PCNX4: variants seen among roughly 807,000 people sequenced by gnomAD.
The protein encoded by PCNX4 is pecanex 4.
PCNX4 carries 103 observed loss-of-function variants against 107.2 expected under a neutral mutation model. That is an observed-to-expected ratio of 0.96 (90% CI 0.82 to 1.13). PCNX4 has a LOEUF of 1.13. Among genes scored for constraint, PCNX4 ranks in the 50% most tolerant of loss-of-function variants. The pLI is 0.00. For synonymous variants in PCNX4, 541 were observed against 481.7 expected (o/e 1.12, Z -1.61); for missense variants, 1,528 against 1,379.4 (o/e 1.11, Z -1.71).
chr14:60,114,798 C>T lies in PCNX4; in HGVS notation c.788C>T (p.Pro263Leu), dbSNP rs911388523. ...PFLWALGTLP[P>L]PDALLLWAME... is the part of the protein sequence containing the mutation. ...CTGTGGGCACTTGGGACTCTGCCCC[C>T]ACCCGATGCACTTCTCTTATGGGCA... The change falls in exon 3 of 11, where the codon CCA (proline) becomes CTA (leucine). Residue 263 changes from proline (P) to leucine (L), a missense_variant. Pro to Leu is a moderately conservative substitution (Grantham distance 98). Coordinates refer to ENST00000406854, the MANE Select transcript of PCNX4 (RefSeq NM_001330177.2). 1 of 1,613,870 alleles carries T rather than the reference C, an allele frequency of 6.2e-7. No individual in the cohort carries two copies. The highest frequency in any genetic ancestry group is 1.3e-5 in the African/African-American group (1 of 75,008).
At chr14:60,123,688 A>G (rs542311709) in intron 8 of PCNX4, among the ~76,000 whole-genome samples, 24 of 152,262 alleles carry the variant, frequency 1.6e-4, no homozygotes, top group African/African-American at 5.8e-4. Flanking sequence ...TTTAGGCACT[A>G]CTGACATAGC....
At chr14:60,126,567 A>T (rs939403762) in intron 10 of PCNX4, among the ~76,000 whole-genome samples, 1 of 152,186 alleles carries the variant, frequency 6.6e-6, no homozygotes, top group Non-Finnish European at 1.5e-5. Flanking sequence ...TTGAACCAAG[A>T]CCTACCCTAC....
chr14:60,126,491 A>G (rs941351401), intron 10 of PCNX4, among the ~76,000 whole-genome samples: 1 of 152,194 alleles, frequency 6.6e-6, no homozygotes, highest in Admixed American at 6.5e-5. Flanking sequence ...GCATACAGCA[A>G]ATGAACACAC....
intron 10 of PCNX4, among the ~76,000 whole-genome samples, chr14:60,129,953 T>C (rs943715788): frequency 4.6e-5 from 7 of 151,942 alleles, no homozygotes; most frequent in South Asian, 2.1e-4. Context: ...AAAAAAGATA[T>C]GAGACAAAGA....
chr14:60,133,822 A>G (rs1422889492), intron 10 of PCNX4, 148 bp from the exon 11 acceptor site: 2 of 766,654 alleles, frequency 2.6e-6, no homozygotes, highest in Non-Finnish European at 4.1e-6. Context: ...ACTTGTGTAC[A>G]TTTTTAAACA....
chr14:60,129,381 C>G (rs1896114173), intron 10 of PCNX4, among the ~76,000 whole-genome samples: 7 of 151,966 alleles, frequency 4.6e-5, no homozygotes, highest in Admixed American at 4.6e-4. Flanking sequence ...TAGCAAGAGC[C>G]CATCTCTACA....
rs111421080 is a variant in PCNX4 at position 60,097,716 on chromosome 14, A to G, written c.-54+5297A>G. On this transcript the variant is annotated intron_variant, in intron 1 of 10. Coordinates refer to ENST00000406854, the MANE Select transcript of PCNX4 (RefSeq NM_001330177.2). ...ATTCTTGGTTTGGGAGCAGAATCAT[A>G]GCATGGGTCACCCCATTCCTGGGCC... Among the ~76,000 whole-genome samples the G allele has an allele frequency of 5.4e-3, 818 of 152,364 alleles. 2 individuals carry two copies. The highest frequency in any genetic ancestry group is 8.1e-3 in the Non-Finnish European group (550 of 68,034).
At position 60,143,027 on chromosome 14, in the gene PCNX4, A is replaced by G. The variant is rs1896325411; in HGVS notation, c.*8806A>G. On this transcript the variant is annotated 3_prime_UTR_variant, in exon 11 of 11. Transcript: ENST00000406854. The stretch of plus-strand genomic sequence containing the variant: ...GATGAATCTTTAAAGATTTTAATTT[A>G]TATATACCTCTTCTACCATTCATTG... 6.6e-6 allele frequency: 1 copy of G among 152,238 alleles called. No individual in the cohort carries two copies. Among genetic ancestry groups the G allele is most frequent in the Non-Finnish European group, 1.5e-5 (1 of 68,058 alleles). The allele number at this position is 152,238 out of a possible 1,614,324, so 9.4% of individuals were successfully genotyped here.
rs138224200 is a variant in PCNX4, at chr14:60,103,925, G to A, written c.-53-3661G>A. 4.5e-3 allele frequency among the ~76,000 whole-genome samples: 680 copies of A among 152,238 alleles called. 6 individuals carry two copies. Among genetic ancestry groups the A allele is most frequent in the African/African-American group, 0.015 (639 of 41,534 alleles). On this transcript the variant is annotated intron_variant, in intron 1 of 10. Coordinates refer to ENST00000406854, the MANE Select transcript of PCNX4 (RefSeq NM_001330177.2). Reference sequence around the variant, plus strand: ...TACTATGAATAGATAGCATTATTCCGTAAAAAATAAGTATAGATACTTTCC... The same window carrying A: ...TACTATGAATAGATAGCATTATTCCATAAAAAATAAGTATAGATACTTTCC...
At chr14:60,104,407 A>T (rs1895593226) in intron 1 of PCNX4, among the ~76,000 whole-genome samples, 1 of 151,950 alleles carries the variant, frequency 6.6e-6, no homozygotes, top group African/African-American at 2.4e-5. Flanking sequence ...CATATTTTCC[A>T]ATTTTAATTG....
chr14:60,102,624 A>G (rs1399507658), intron 1 of PCNX4, among the ~76,000 whole-genome samples: 2 of 152,314 alleles, frequency 1.3e-5, no homozygotes, highest in East Asian at 1.9e-4. Flanking sequence ...AAGAAAGCCT[A>G]TGGCTTAAAT....
At chr14:60,111,891 CCA>C (rs1270561944) in intron 2 of PCNX4, among the ~76,000 whole-genome samples, 1 of 152,140 alleles carries the variant, frequency 6.6e-6, no homozygotes, top group East Asian at 1.9e-4. Flanking sequence ...AAAATCACCT[CCA>C]GTTTCACTTT....
rs142480517 is a variant in PCNX4 at position 60,138,078 on chromosome 14, G to A, written c.*3857G>A. The A allele has an allele frequency of 0.021, 3,126 of 149,104 alleles. 55 individuals carry two copies. The highest frequency in any genetic ancestry group is 0.048 in the South Asian group (226 of 4,722). The allele number at this position is 149,104 out of a possible 1,614,324, so 9.2% of individuals were successfully genotyped here. A position where few individuals can be genotyped will look rare whatever the true frequency, so the allele number is the denominator to read the frequency against. Reference sequence around the variant, plus strand: ...TGCACTCCAGCCTGGGCGACAGAGCGAGACTCCATCTCAAAAAGAAAAAAA... The same window carrying A: ...TGCACTCCAGCCTGGGCGACAGAGCAAGACTCCATCTCAAAAAGAAAAAAA... On this transcript the variant is annotated 3_prime_UTR_variant, in exon 11 of 11. Coordinates refer to ENST00000406854, the MANE Select transcript of PCNX4 (RefSeq NM_001330177.2).
At chr14:60,127,928 T>G (rs1896085056) in intron 10 of PCNX4, among the ~76,000 whole-genome samples, 1 of 151,958 alleles carries the variant, frequency 6.6e-6, no homozygotes, top group African/African-American at 2.4e-5. Context: ...TATGTAGAGA[T>G]AGAAATTATA....
chr14:60,139,725 G>A lies in PCNX4; in HGVS notation c.*5504G>A, dbSNP rs949431417. On this transcript the variant is annotated 3_prime_UTR_variant, in exon 11 of 11. Coordinates refer to ENST00000406854, the MANE Select transcript of PCNX4 (RefSeq NM_001330177.2). ...GTCATAGGAATGGAATATATTCTTTGGCCATGTATCATTCACTTAGAAATC... is the reference window on the plus strand; with the variant it reads ...GTCATAGGAATGGAATATATTCTTTAGCCATGTATCATTCACTTAGAAATC... 5 of 151,890 alleles carry A rather than the reference G, an allele frequency of 3.3e-5. No individual in the cohort carries two copies. The highest frequency in any genetic ancestry group is 1.2e-4 in the African/African-American group (5 of 41,368). 9.4% of individuals were successfully genotyped at this position (151,890 alleles called of 1,614,324 possible).
At chr14:60,096,905 T>G (rs1895436168) in intron 1 of PCNX4, among the ~76,000 whole-genome samples, 1 of 152,232 alleles carries the variant, frequency 6.6e-6, no homozygotes. Flanking sequence ...AAGCCAAGTA[T>G]AGTAAAGCAA....
Position 60,124,291 on chromosome 14 carries a change from T to G in PCNX4, c.2120T>G (p.Phe707Cys), listed in dbSNP as rs1191355564. The G allele has an allele frequency of 6.2e-7, 1 of 1,608,164 alleles. No homozygotes were observed. The highest frequency in any genetic ancestry group is 1.3e-5 in the African/African-American group (1 of 74,874). ...GTTGATGAAGTTTTTGAAGATGCTT[T>G]TGAGCAAGAATACACAAGAGTATGT... Reference protein sequence around the residue: ...RRVDEVFEDAFEQEYTRVCSL... With the variant: ...RRVDEVFEDACEQEYTRVCSL... The change falls in exon 9 of 11, where the codon TTT becomes TGT. Residue 707 changes from phenylalanine (F) to cysteine (C), a missense_variant. By Grantham distance (205) the Phe-to-Cys change is radical. Coordinates refer to ENST00000406854, the MANE Select transcript of PCNX4 (RefSeq NM_001330177.2).
chr14:60,122,022 T>A (rs945650585), intron 8 of PCNX4, among the ~76,000 whole-genome samples: 2 of 152,208 alleles, frequency 1.3e-5, no homozygotes, highest in Non-Finnish European at 2.9e-5. Flanking sequence ...TCTGTCCTTC[T>A]GGTTGTTCAG....
chr14:60,122,230 A>G (rs1182987826), intron 8 of PCNX4, among the ~76,000 whole-genome samples: 1 of 152,092 alleles, frequency 6.6e-6, no homozygotes, highest in African/African-American at 2.4e-5. Context: ...GCTTCCACCT[A>G]TGTGCCCCTA....
Sources: gnomAD v4.1 joint callset for allele counts (sites outside exome capture counted in the v4.1 genomes callset) on GRCh38, gnomAD v4.1.1 for gene constraint, MANE v1.5 for transcripts, NCBI Gene and HGNC (gene_info 2026-07-23, HGNC 2026-07-21) for gene names.